TNFRSF14: variants seen among roughly 807,000 people sequenced by gnomAD.
The protein encoded by TNFRSF14 is TNF receptor superfamily member 14, also known as tumor necrosis factor receptor superfamily member 14.
A neutral mutation model predicts 34.1 loss-of-function variants in TNFRSF14; 18 were observed. That is an observed-to-expected ratio of 0.53 (90% CI 0.36 to 0.78). The LOEUF (loss-of-function observed/expected upper bound fraction) is 0.78, where lower values mean the gene tolerates loss of function less well. Ranked by LOEUF, TNFRSF14 falls within the 30% of genes least tolerant of loss-of-function variation. TNFRSF14 has a pLI of 0.00. For missense variants in TNFRSF14, 352 were observed against 379.5 expected, an observed-to-expected ratio of 0.93 and a Z score of 0.60; for synonymous variants, 157 against 153.2, an observed-to-expected ratio of 1.02 and a Z score of -0.18.
chr1:2,560,827 G>A (rs973883694), intron 5 of TNFRSF14, 113 bp downstream of exon 5: 18 of 936,212 alleles, frequency 1.9e-5, no homozygotes, highest in Non-Finnish European at 2.5e-5. Context: ...CCCACCCTGA[G>A]CGGCACCCTG....
chr1:2,554,581 G>A (rs2100832615), upstream of TNFRSF14: 1 of 152,452 alleles, frequency 6.6e-6, no homozygotes, highest in South Asian at 2.1e-4. The surrounding 1 kb of genome is among the most constrained non-coding windows in gnomAD (Gnocchi z 4.2). Flanking sequence ...TGTGCCCTCG[G>A]TGGGGCAGAT....
intron 1 of TNFRSF14, chr1:2,557,088 T>G: frequency 3.2e-6 from 1 of 316,524 alleles, no homozygotes; most frequent in Non-Finnish European, 5.9e-6. Context: ...GTGACCCAAC[T>G]CCCCGGCAGC....
intron 4 of TNFRSF14, 67 bp downstream of exon 4, chr1:2,560,045 C>G: frequency 6.9e-7 from 1 of 1,459,482 alleles, no homozygotes; most frequent in South Asian, 1.4e-5. Context: ...CTGTCTGGAG[C>G]CCCAGGTTTC....
At chr1:2,557,979 C>A in intron 2 of TNFRSF14, 145 bp downstream of exon 2, 2 of 712,466 alleles carry the variant, frequency 2.8e-6, no homozygotes, top group Admixed American at 3.0e-5. Context: ...ACAGTGAGGG[C>A]AGAACCCCCA....
intron 3 of TNFRSF14, 67 bp from the exon 4 acceptor site, chr1:2,559,756 T>C: frequency 1.3e-6 from 2 of 1,548,908 alleles, no homozygotes; most frequent in Non-Finnish European, 8.7e-7. Flanking sequence ...CTGTGGATGC[T>C]GTCCTGGCCC....
In TNFRSF14 at chr1:2,560,791, C is replaced by T. The variant is rs550810171; in HGVS notation, c.551+77C>T. The T allele has an allele frequency of 2.9e-6, 4 of 1,373,058 alleles. No individual in the cohort carries two copies. In the South Asian group the frequency reaches 4.9e-5, roughly 17 times the overall value. The allele number at this position is 1,373,058 out of a possible 1,614,324, so 85.1% of individuals were successfully genotyped here. ...CGTTGCTTCCCTGGGAGATGACCGT[C>T]TTCTCCAGCAGAAAGGCTTGAAGGT... is the stretch of plus-strand genomic sequence containing the variant. On this transcript the variant is annotated intron_variant, in intron 5 of 7. Coordinates refer to ENST00000355716, the MANE Select transcript of TNFRSF14 (RefSeq NM_003820.4).
Position 2,559,930 on chromosome 1 carries a change from T to C in TNFRSF14, c.412T>C (p.Cys138Arg). ...IVQDGDHCAA[C>R]RAYATSSPGQ... ...CCAGGACGGGGACCACTGCGCCGCG[T>C]GCCGCGCTTACGCCACCTCCAGCCC... The change falls in exon 4 of 8, where the codon TGC becomes CGC. Residue 138 changes from cysteine (C) to arginine (R), a missense_variant. By Grantham distance (180) the Cys-to-Arg change is radical. Transcript: ENST00000355716. 1 of 1,599,416 alleles carries C rather than the reference T, an allele frequency of 6.3e-7. No homozygotes were observed. Among genetic ancestry groups the C allele is most frequent in the Non-Finnish European group, 8.5e-7 (1 of 1,173,236 alleles).
intron 3 of TNFRSF14, 135 bp from the exon 4 acceptor site, chr1:2,559,688 C>G (rs1221218845): frequency 6.5e-7 from 1 of 1,535,780 alleles, no homozygotes; most frequent in Admixed American, 2.0e-5. Context: ...CTCTGGGCAC[C>G]TCGTTTGGCT....
chr1:2,556,220 C>T (rs535963930), upstream of TNFRSF14: 12 of 443,362 alleles, frequency 2.7e-5, no homozygotes, highest in African/African-American at 5.9e-5. Flanking sequence ...TGTCAGTCAG[C>T]GCCCCGGGGA....
chr1:2,562,885 G>C lies in TNFRSF14; in HGVS notation c.715G>C (p.Val239Leu), dbSNP rs143033733. The C allele has an allele frequency of 1.2e-6, 2 of 1,613,858 alleles. No homozygotes were observed. Among genetic ancestry groups the C allele is most frequent in the Non-Finnish European group, 1.7e-6 (2 of 1,179,942 alleles). The change falls in exon 7 of 8, where the codon GTC becomes CTC. Residue 239 changes from valine to leucine, a missense_variant. By Grantham distance (32) the Val-to-Leu change is conservative (BLOSUM62 1). Coordinates refer to ENST00000355716, the MANE Select transcript of TNFRSF14 (RefSeq NM_003820.4). ...TGCAGGTGATGTAGTCAAGGTGATCGTCTCCGTCCAGGTATTGATCCTCCT... is the reference window on the plus strand; with the variant it reads ...TGCAGGTGATGTAGTCAAGGTGATCCTCTCCGTCCAGGTATTGATCCTCCT... ...KPRGDVVKVI[V>L]SVQRKRQEAE...
At chr1:2,560,548 G>A (rs892645216) in intron 4 of TNFRSF14, 76 bp from the exon 5 acceptor site, 3 of 1,137,042 alleles carry the variant, frequency 2.6e-6, no homozygotes, top group Non-Finnish European at 3.8e-6. Flanking sequence ...GAAGCTCACA[G>A]ACAAGCAGTC....
rs143920314 is a variant in TNFRSF14 at position 2,559,495 on chromosome 1, C to A, written c.305-328C>A. The stretch of plus-strand genomic sequence containing the variant: ...TCTGGGTGGGCACGTGGGGCGAGGA[C>A]CTGCCTGCGGGACCCTGCCCTGGAA... On this transcript the variant is annotated intron_variant, in intron 3 of 7. Coordinates refer to ENST00000355716, the MANE Select transcript of TNFRSF14 (RefSeq NM_003820.4). 660 of 1,464,822 alleles carry A rather than the reference C, an allele frequency of 4.5e-4. 3 individuals carry two copies. Among genetic ancestry groups the A allele is most frequent in the Middle Eastern group, 3.7e-3 (21 of 5,692 alleles). The allele number at this position is 1,464,822 out of a possible 1,614,324, so 90.7% of individuals were successfully genotyped here. A position where few individuals can be genotyped will look rare whatever the true frequency, so the allele number is the denominator to read the frequency against.
rs944782838 is a variant in TNFRSF14, at chr1:2,560,678, C to T, written c.515C>T (p.Pro172Leu). ...AACTGCCCCCCGGGGACCTTCTCTC[C>T]CAATGGGACCCTGGAGGAATGTCAG... ...CQNCPPGTFS[P>L]NGTLEECQHQ... Residue 172 changes from proline to leucine, a missense_variant, in exon 5 of 8, where the codon CCC (proline) becomes CTC (leucine). Transcript: ENST00000355716. 2 of 1,613,486 alleles carry T rather than the reference C, an allele frequency of 1.2e-6. No individual in the cohort carries two copies. The highest frequency in any genetic ancestry group is 1.7e-6 in the Non-Finnish European group (2 of 1,179,930).
At chr1:2,562,726 G>A (rs1644328430) in intron 6 of TNFRSF14, 139 bp from the exon 7 acceptor site, 24 of 1,130,474 alleles carry the variant, frequency 2.1e-5, no homozygotes, top group South Asian at 2.0e-4. Flanking sequence ...TGCTCTCAGA[G>A]AGGGTCAGTC....
Position 2,556,400 on chromosome 1 carries a change from G to T in TNFRSF14, c.-265G>T. ...CGGCCCTTCCCCTCGGCTTTGCCTG[G>T]ACAGCTCCTGCCTCCCGCAGGGCCC... On this transcript the variant is annotated 5_prime_UTR_variant, in exon 1 of 8. Coordinates refer to ENST00000355716, the MANE Select transcript of TNFRSF14 (RefSeq NM_003820.4). 1 of 682,410 alleles carries T rather than the reference G, an allele frequency of 1.5e-6. No individual in the cohort carries two copies. Among genetic ancestry groups the T allele is most frequent in the Non-Finnish European group, 2.7e-6 (1 of 372,432 alleles). The allele number at this position is 682,410 out of a possible 1,614,324, so 42.3% of individuals were successfully genotyped here.
intron 2 of TNFRSF14, 120 bp downstream of exon 2, chr1:2,557,954 G>T (rs949778119): frequency 2.3e-6 from 2 of 862,422 alleles, no homozygotes; most frequent in Non-Finnish European, 3.5e-6. Flanking sequence ...TGAAGCCCTG[G>T]GGCTAGGTGT....
Position 2,563,603 on chromosome 1 carries a change from C to T in TNFRSF14, c.*330C>T, listed in dbSNP as rs924733967. 8.8e-6 allele frequency: 3 copies of T among 340,860 alleles called. No individual in the cohort carries two copies. Among genetic ancestry groups the T allele is most frequent in the East Asian group, 4.5e-5 (1 of 21,994 alleles). The allele number at this position is 340,860 out of a possible 1,614,324, so 21.1% of individuals were successfully genotyped here. On this transcript the variant is annotated 3_prime_UTR_variant, in exon 8 of 8. Coordinates refer to ENST00000355716, the MANE Select transcript of TNFRSF14 (RefSeq NM_003820.4). ...CCAGCCCAGAGGGCCCTTCAGACCC[C>T]AGCTGTCTGCGCGTCTGACTCTTGT... is the stretch of plus-strand genomic sequence containing the variant.
At position 2,560,628 on chromosome 1, in the gene TNFRSF14, C is replaced by G; in HGVS notation, c.465C>G (p.Thr155=). The G allele has an allele frequency of 3.1e-6, 5 of 1,612,942 alleles. No individual in the cohort carries two copies. The highest frequency in any genetic ancestry group is 3.4e-6 in the Non-Finnish European group (4 of 1,179,638). The change falls in exon 5 of 8, where the codon ACC becomes ACG. Residue 155 remains threonine (T), a synonymous_variant. Coordinates refer to ENST00000355716, the MANE Select transcript of TNFRSF14 (RefSeq NM_003820.4). ...SPGQRVQKGG[T]ESQDTLCQNC... ...TGTCCGTCCCTCTCTTCTCAGGCAC[C>G]GAGAGTCAGGACACCCTGTGTCAGA...
intron 2 of TNFRSF14, 152 bp from the exon 3 acceptor site, chr1:2,558,191 A>G: frequency 8.4e-7 from 1 of 1,185,628 alleles, no homozygotes; most frequent in African/African-American, 1.6e-5. Context: ...CTCATGGCTG[A>G]TGGGGCTGCT....
Sources: allele counts gnomAD v4.1 joint callset, GRCh38; gene constraint gnomAD v4.1.1; non-coding constraint Gnocchi (gnomAD v3.1); transcripts MANE v1.5; gene names NCBI Gene and HGNC (gene_info 2026-07-23, HGNC 2026-07-21).